MBNL2: variants seen among roughly 807,000 people sequenced by gnomAD.
MBNL2 encodes muscleblind-like protein 2.
MBNL2 carries 17 observed loss-of-function variants against 41.9 expected under a neutral mutation model. The ratio of observed to expected loss-of-function variants is 0.41; its 90% CI spans 0.28 to 0.61. MBNL2 has a LOEUF of 0.61. Ranked by LOEUF, MBNL2 falls within the 20% of genes least tolerant of loss-of-function variation. MBNL2 has a pLI of 0.35. For missense variants in MBNL2, 336 were observed against 505.6 expected, an observed-to-expected ratio of 0.66 and a Z score of 3.22; for synonymous variants, 195 against 182.9, an observed-to-expected ratio of 1.07 and a Z score of -0.53.
intron 2 of MBNL2, among the ~76,000 whole-genome samples, chr13:97,299,685 T>TATCTATCTATCA (rs1325556333): frequency 1.3e-5 from 2 of 149,632 alleles, no homozygotes; most frequent in Non-Finnish European, 3.0e-5. Context: ...TCTATCTATC[T>TATCTATCTATCA]ATCATCTATA....
chr13:97,251,072 G>A (rs2046412676), intron 1 of MBNL2, among the ~76,000 whole-genome samples: 1 of 151,622 alleles, frequency 6.6e-6, no homozygotes, highest in Non-Finnish European at 1.5e-5. Context: ...CTACTGGGCA[G>A]AACTTAGGAG....
chr13:97,294,442 T>G (rs2056704655), intron 2 of MBNL2, among the ~76,000 whole-genome samples: 1 of 152,234 alleles, frequency 6.6e-6, no homozygotes, highest in South Asian at 2.1e-4. Flanking sequence ...ATGGAAGTGT[T>G]AGCTGCAAGA....
At chr13:97,329,649 TACAC>T (rs1315848820) in intron 2 of MBNL2, among the ~76,000 whole-genome samples, 1 of 125,146 alleles carries the variant, frequency 8.0e-6, no homozygotes, top group Non-Finnish European at 1.8e-5. Context: ...ACACACACAA[TACAC>T]ACACATGCAG....
At chr13:97,285,446 C>T (rs1002975793) in intron 2 of MBNL2, among the ~76,000 whole-genome samples, 4 of 152,324 alleles carry the variant, frequency 2.6e-5, no homozygotes, top group South Asian at 2.1e-4. Flanking sequence ...ACCCCTTTAA[C>T]GACAGCAGCT....
At chr13:97,327,739 C>T (rs988760330) in intron 2 of MBNL2, among the ~76,000 whole-genome samples, 4 of 151,976 alleles carry the variant, frequency 2.6e-5, no homozygotes, top group African/African-American at 9.7e-5. Context: ...AGATCTGAGG[C>T]TGTTTGAAGA....
At chr13:97,349,691 C>T (rs2062251411) in intron 5 of MBNL2, among the ~76,000 whole-genome samples, 1 of 152,078 alleles carries the variant, frequency 6.6e-6, no homozygotes, top group Non-Finnish European at 1.5e-5. Flanking sequence ...CCATGTCTAG[C>T]TAATTTTATA....
the MBNL2 span, among the ~76,000 whole-genome samples, chr13:97,199,279 G>A: frequency 6.6e-6 from 1 of 152,060 alleles, no homozygotes; most frequent in African/African-American, 2.4e-5. Context: ...CCACCCTTTT[G>A]AAAAGGGCAG....
At chr13:97,320,336 T>C (rs1482993631) in intron 2 of MBNL2, among the ~76,000 whole-genome samples, 1 of 150,738 alleles carries the variant, frequency 6.6e-6, no homozygotes, top group East Asian at 2.0e-4. Context: ...CTCGGCTCAC[T>C]GCAACCTCCG....
At chr13:97,197,328 A>T in the MBNL2 span, among the ~76,000 whole-genome samples, 1 of 152,226 alleles carries the variant, frequency 6.6e-6, no homozygotes, top group Non-Finnish European at 1.5e-5. Context: ...TAATCTCTGC[A>T]ATAGATTCAT....
the MBNL2 span, among the ~76,000 whole-genome samples, chr13:97,152,865 A>G: frequency 1.3e-5 from 2 of 152,192 alleles, no homozygotes; most frequent in Non-Finnish European, 2.9e-5. Context: ...AAGTACAGAC[A>G]GGCACCAAGG....
chr13:97,320,124 C>T (rs1370677034), intron 2 of MBNL2, among the ~76,000 whole-genome samples: 1 of 152,104 alleles, frequency 6.6e-6, no homozygotes, highest in Non-Finnish European at 1.5e-5. Flanking sequence ...TGCTCGCTTC[C>T]CAAGGCTGCT....
At chr13:97,377,406 C>T (rs773328717) in intron 8 of MBNL2, among the ~76,000 whole-genome samples, 3 of 152,130 alleles carry the variant, frequency 2.0e-5, no homozygotes, top group Non-Finnish European at 2.9e-5. Context: ...TCCATCAAGC[C>T]GCAATTCAGC....
chr13:97,344,420 A>C (rs896781324), intron 4 of MBNL2, among the ~76,000 whole-genome samples: 6 of 152,368 alleles, frequency 3.9e-5, no homozygotes, highest in Middle Eastern at 3.4e-3. Flanking sequence ...TAGGACGTAC[A>C]CAGTGCTTTC....
At chr13:97,216,400 GA>G in the MBNL2 span, among the ~76,000 whole-genome samples, 5 of 151,410 alleles carry the variant, frequency 3.3e-5, no homozygotes, top group Admixed American at 6.6e-5. Flanking sequence ...GAAATAACTA[GA>G]AAAAAAAGTA....
chr13:97,295,079 TG>T (rs1226222402), intron 2 of MBNL2, among the ~76,000 whole-genome samples: 1 of 152,152 alleles, frequency 6.6e-6, no homozygotes, highest in African/African-American at 2.4e-5. Context: ...GTGTTCACCC[TG>T]GAGAAAGAAA....
chr13:97,228,646 C>T (rs1205628574), intron 1 of MBNL2, among the ~76,000 whole-genome samples: 2 of 151,190 alleles, frequency 1.3e-5, no homozygotes, highest in Admixed American at 6.6e-5. Context: ...TCTCCTGCCT[C>T]AGCCTCCCAA....
intron 5 of MBNL2, among the ~76,000 whole-genome samples, chr13:97,354,255 A>T (rs1469037605): frequency 6.6e-6 from 1 of 152,150 alleles, no homozygotes; most frequent in Non-Finnish European, 1.5e-5. Flanking sequence ...GACCTGTGAG[A>T]TCTGTTCTAA....
At chr13:97,317,918 G>A (rs1279324260) in intron 2 of MBNL2, among the ~76,000 whole-genome samples, 1 of 152,168 alleles carries the variant, frequency 6.6e-6, no homozygotes, top group Non-Finnish European at 1.5e-5. Context: ...GCAGATTTAT[G>A]TATGTAGAGT....
chr13:97,278,419 A>G (rs1189947436), intron 2 of MBNL2, among the ~76,000 whole-genome samples: 1 of 152,136 alleles, frequency 6.6e-6, no homozygotes, highest in East Asian at 1.9e-4. Flanking sequence ...AATATTAAAC[A>G]TCACAATTTT....
Sources: gnomAD v4.1 joint callset for allele counts (sites outside exome capture counted in the v4.1 genomes callset) on GRCh38, gnomAD v4.1.1 for gene constraint, MANE v1.5 for transcripts, NCBI Gene and HGNC (gene_info 2026-07-23, HGNC 2026-07-21) for gene names.